Variants in GULP1 observed in about 807,000 individuals in gnomAD.
GULP1 encodes GULP PTB domain containing engulfment adaptor 1.
Under a neutral mutation model 40.9 loss-of-function variants are expected in GULP1, and 19 were observed. That is an observed-to-expected ratio of 0.46 (90% CI 0.32 to 0.68). The LOEUF is 0.68. GULP1 is among the 30% of genes least tolerant of loss of function. GULP1 has a pLI of 0.03. For missense variants in GULP1, 312 were observed against 362.2 expected (o/e 0.86, Z 1.12); for synonymous variants, 119 against 117.6 (o/e 1.01, Z -0.08).
intron 2 of GULP1, among the ~76,000 whole-genome samples, chr2:188,433,882 A>C (rs1257597880): frequency 6.6e-6 from 1 of 152,070 alleles, no homozygotes; most frequent in Non-Finnish European, 1.5e-5. Context: ...TTCAATTTAC[A>C]AAACAATTTA....
intron 7 of GULP1, among the ~76,000 whole-genome samples, chr2:188,544,183 A>G (rs1219368317): frequency 6.6e-6 from 1 of 152,134 alleles, no homozygotes; most frequent in South Asian, 2.1e-4. Context: ...TATTTCATAA[A>G]ATGAAAATCA....
At chr2:188,549,407 A>G (rs1692866688) in intron 7 of GULP1, among the ~76,000 whole-genome samples, 1 of 151,830 alleles carries the variant, frequency 6.6e-6, no homozygotes, top group Admixed American at 6.6e-5. Context: ...GATGTCAAAC[A>G]TTGGTGTCCA....
chr2:188,379,737 A>G (rs2048767554), intron 1 of GULP1, among the ~76,000 whole-genome samples: 1 of 152,220 alleles, frequency 6.6e-6, no homozygotes, highest in Admixed American at 6.5e-5. Flanking sequence ...TTATTACTAA[A>G]GTTTTATACA....
intron 2 of GULP1, among the ~76,000 whole-genome samples, chr2:188,386,830 GA>G (rs1009326304): frequency 6.6e-6 from 1 of 152,002 alleles, no homozygotes; most frequent in Non-Finnish European, 1.5e-5. Flanking sequence ...AGTTTAAGTT[GA>G]AAAAAATGAA....
Position 188,507,856 on chromosome 2 carries a change from A to T in GULP1, c.91-14900A>T, listed in dbSNP as rs532632712. Among the ~76,000 whole-genome samples, 4 of 152,118 alleles carry T rather than the reference A, an allele frequency of 2.6e-5. No homozygotes were observed. The South Asian group carries it at 8.3e-4, about 32-fold the overall frequency. On this transcript the variant is annotated intron_variant, in intron 4 of 11. Transcript: ENST00000409830. ...GGCTCATTTCAAATACCAGTTCTGT[A>T]GTCTGAAAATACCAAGCTTAAATAT...
chr2:188,303,306 A>G (rs2036470172), intron 1 of GULP1, among the ~76,000 whole-genome samples: 2 of 152,164 alleles, frequency 1.3e-5, no homozygotes, highest in African/African-American at 4.8e-5. Flanking sequence ...GATGAAATAT[A>G]TTTTGGAGTA....
At chr2:188,526,202 C>G (rs577247502) in intron 5 of GULP1, among the ~76,000 whole-genome samples, 1 of 152,220 alleles carries the variant, frequency 6.6e-6, no homozygotes, top group African/African-American at 2.4e-5. Context: ...AAGTACTACT[C>G]CATCCTTCCC....
intron 4 of GULP1, among the ~76,000 whole-genome samples, chr2:188,521,092 T>C (rs991673898): frequency 6.6e-6 from 1 of 152,086 alleles, no homozygotes; most frequent in Non-Finnish European, 1.5e-5. Context: ...AAGTGATTAA[T>C]TCGTGAATCT....
At chr2:188,350,429 G>A (rs2044292320) in intron 1 of GULP1, among the ~76,000 whole-genome samples, 1 of 151,964 alleles carries the variant, frequency 6.6e-6, no homozygotes, top group Admixed American at 6.6e-5. Flanking sequence ...TTTATTTTAT[G>A]TAGTTTCTTC....
At chr2:188,337,003 C>T (rs545916806) in intron 1 of GULP1, among the ~76,000 whole-genome samples, 2 of 152,220 alleles carry the variant, frequency 1.3e-5, no homozygotes, top group South Asian at 4.1e-4. Flanking sequence ...TCTGTGATAC[C>T]TTTCATGGTT....
chr2:188,318,532 T>C (rs1046611311), intron 1 of GULP1, among the ~76,000 whole-genome samples: 35 of 152,280 alleles, frequency 2.3e-4, no homozygotes, highest in Middle Eastern at 3.4e-3. Context: ...GAGACAGGGC[T>C]GGAACACCGG....
intron 2 of GULP1, among the ~76,000 whole-genome samples, chr2:188,473,912 G>A (rs923968888): frequency 2.0e-5 from 3 of 152,124 alleles, no homozygotes; most frequent in African/African-American, 7.2e-5. Flanking sequence ...AAGCCTCAGA[G>A]TCTCACCCAA....
intron 2 of GULP1, among the ~76,000 whole-genome samples, chr2:188,415,396 G>A (rs1173947007): frequency 1.3e-5 from 2 of 152,114 alleles, no homozygotes; most frequent in Non-Finnish European, 1.5e-5. Context: ...ATCTGTCTGT[G>A]AAATGTAGCT....
chr2:188,566,992 A>G (rs1352987846), intron 7 of GULP1, among the ~76,000 whole-genome samples: 2 of 152,104 alleles, frequency 1.3e-5, no homozygotes, highest in Admixed American at 1.3e-4. Flanking sequence ...CACTTCTCAA[A>G]AGAAGACATT....
chr2:188,568,820 GA>G (rs1235665497), intron 7 of GULP1, among the ~76,000 whole-genome samples: 1 of 152,018 alleles, frequency 6.6e-6, no homozygotes, highest in African/African-American at 2.4e-5. Context: ...TCCTCACAAG[GA>G]AAAGGAAATA....
intron 9 of GULP1, among the ~76,000 whole-genome samples, chr2:188,578,516 C>T (rs951995428): frequency 1.5e-4 from 22 of 149,832 alleles, no homozygotes; most frequent in African/African-American, 3.9e-4. Flanking sequence ...GCTCATGTAT[C>T]GCAGAACTTA....
At chr2:188,480,164 G>A (rs113960548) in intron 3 of GULP1, among the ~76,000 whole-genome samples, 3 of 152,106 alleles carry the variant, frequency 2.0e-5, no homozygotes, top group African/African-American at 7.2e-5. Flanking sequence ...TTTAATTTCA[G>A]ATGAAAAACT....
chr2:188,422,566 A>G (rs1194695228), intron 2 of GULP1, among the ~76,000 whole-genome samples: 1 of 151,922 alleles, frequency 6.6e-6, no homozygotes, highest in Non-Finnish European at 1.5e-5. Context: ...TTTGCTTTTC[A>G]TTTTAAATTA....
At chr2:188,326,236 A>G (rs949489953) in intron 1 of GULP1, among the ~76,000 whole-genome samples, 1 of 152,126 alleles carries the variant, frequency 6.6e-6, no homozygotes, top group East Asian at 1.9e-4. Flanking sequence ...TTCATTATAC[A>G]TACTATCTGT....
Sources: gnomAD v4.1 joint callset for allele counts (sites outside exome capture counted in the v4.1 genomes callset) on GRCh38, gnomAD v4.1.1 for gene constraint, MANE v1.5 for transcripts, NCBI Gene and HGNC (gene_info 2026-07-23, HGNC 2026-07-21) for gene names.